The following BACH1 variants were observed in gnomAD, a reference collection of about 807,000 sequenced individuals.
BACH1 encodes the protein BTB domain and CNC homolog 1.
A neutral mutation model predicts 52.9 loss-of-function variants in BACH1; 35 were observed. That is an observed-to-expected ratio of 0.66 (90% CI 0.51 to 0.88). BACH1 has a LOEUF of 0.88. Ranked by LOEUF, BACH1 falls within the 40% of genes least tolerant of loss-of-function variation. The pLI, the probability that BACH1 is intolerant of heterozygous loss-of-function variation, is 0.00. For missense variants in BACH1, 808 were observed against 872.6 expected (o/e 0.93, Z 0.93); for synonymous variants, 321 against 319.6 (o/e 1.00, Z -0.05).
At chr21:29,312,076 C>T (rs1220595259) in intron 1 of BACH1, among the ~76,000 whole-genome samples, 2 of 152,226 alleles carry the variant, frequency 1.3e-5, no homozygotes, top group African/African-American at 4.8e-5. Context: ...TATGTCCTTA[C>T]TTGTGCTCCC....
chr21:29,320,615 T>TA (rs1373587445), intron 1 of BACH1, among the ~76,000 whole-genome samples: 1 of 152,236 alleles, frequency 6.6e-6, no homozygotes, highest in Non-Finnish European at 1.5e-5. Flanking sequence ...TAAAAAGACT[T>TA]ACTACCAAGA....
intron 1 of BACH1, among the ~76,000 whole-genome samples, chr21:29,301,201 T>C (rs1445160179): frequency 6.6e-6 from 1 of 152,210 alleles, no homozygotes; most frequent in African/African-American, 2.4e-5. Context: ...TTTGTAAGTA[T>C]TAGGGCCTCC....
intron 4 of BACH1, among the ~76,000 whole-genome samples, chr21:29,330,877 CTA>C (rs1267562733): frequency 6.6e-6 from 1 of 150,582 alleles, no homozygotes; most frequent in Non-Finnish European, 1.5e-5. Flanking sequence ...AAAATCATAA[CTA>C]TATTAAAGAG....
At chr21:29,303,300 A>G (rs1003095398) in intron 1 of BACH1, among the ~76,000 whole-genome samples, 1 of 152,212 alleles carries the variant, frequency 6.6e-6, no homozygotes, top group African/African-American at 2.4e-5. Flanking sequence ...AGGTTGTGTT[A>G]TTTTGACCAT....
chr21:29,317,332 A>G (rs2088799267), intron 1 of BACH1, among the ~76,000 whole-genome samples: 1 of 152,214 alleles, frequency 6.6e-6, no homozygotes. Context: ...AGCAGCATGT[A>G]CCTGTGTTGG....
At position 29,345,538 on chromosome 21, in the gene BACH1, T is replaced by C. The variant is rs1442368366; in HGVS notation, c.*2705T>C. Reference sequence around the variant, plus strand: ...ATTCAAATTCTGGAACTATAGCAAATAATTCGTTAAATTGTCATATTCAAA... The same window carrying C: ...ATTCAAATTCTGGAACTATAGCAAACAATTCGTTAAATTGTCATATTCAAA... On this transcript the variant is annotated 3_prime_UTR_variant, in exon 5 of 5. Coordinates refer to ENST00000286800, the MANE Select transcript of BACH1 (RefSeq NM_001186.4). 1 of 152,364 alleles carries C rather than the reference T, an allele frequency of 6.6e-6. No individual in the cohort carries two copies. The highest frequency in any genetic ancestry group is 1.5e-5 in the Non-Finnish European group (1 of 68,020). The allele number at this position is 152,364 out of a possible 1,614,324, so 9.4% of individuals were successfully genotyped here.
chr21:29,310,153 G>A (rs1256002849), intron 1 of BACH1, among the ~76,000 whole-genome samples: 1 of 152,116 alleles, frequency 6.6e-6, no homozygotes, highest in Non-Finnish European at 1.5e-5. Flanking sequence ...ATTATCTGCT[G>A]ATGACTGTAG....
At chr21:29,347,093 G>T (rs1210730511), downstream of BACH1, among the ~76,000 whole-genome samples, 23 of 152,120 alleles carry the variant, frequency 1.5e-4, no homozygotes, top group Admixed American at 1.5e-3. Context: ...GGTATTGAGG[G>T]TTTAGAGGAA....
Position 29,343,241 on chromosome 21 carries a change from T to C in BACH1, c.*408T>C, listed in dbSNP as rs1163263390. Reference sequence around the variant, plus strand: ...CAGAAGTTTAATAATTTGACTTTTTTCTAATATTTTAGTTTGAAAGAAAAT... The same window carrying C: ...CAGAAGTTTAATAATTTGACTTTTTCCTAATATTTTAGTTTGAAAGAAAAT... On this transcript the variant is annotated 3_prime_UTR_variant, in exon 5 of 5. Transcript: ENST00000286800. The C allele has an allele frequency of 6.4e-6, 1 of 155,962 alleles. No individual in the cohort carries two copies. The highest frequency in any genetic ancestry group is 2.4e-5 in the African/African-American group (1 of 41,488). 9.7% of individuals were successfully genotyped at this position (155,962 alleles called of 1,614,324 possible).
rs973037486 is a variant in BACH1 at position 29,311,504 on chromosome 21, A to G, written c.-60-9717A>G. On this transcript the variant is annotated intron_variant, in intron 1 of 4. Coordinates refer to ENST00000286800, the MANE Select transcript of BACH1 (RefSeq NM_001186.4). ...TAATTCTGCTTCAGAGTTATGTGCA[A>G]TGTTTACTGGTTTCTGCTATTTAAT... Among the ~76,000 whole-genome samples, 9 of 152,112 alleles carry G rather than the reference A, an allele frequency of 5.9e-5. No individual in the cohort carries two copies. The East Asian group carries it at 7.7e-4, about 13-fold the overall frequency.
chr21:29,316,328 T>G (rs1400679669), intron 1 of BACH1, among the ~76,000 whole-genome samples: 15 of 152,244 alleles, frequency 9.9e-5, no homozygotes, highest in Admixed American at 9.8e-4. Flanking sequence ...GAGCAGAAGT[T>G]ATTTCCAAAT....
intron 4 of BACH1, among the ~76,000 whole-genome samples, chr21:29,334,111 AT>A (rs770900706): frequency 2.6e-4 from 38 of 144,560 alleles, no homozygotes; most frequent in South Asian, 2.2e-4. Context: ...TATTTTTTTT[AT>A]TTTTTTTTTT....
intron 2 of BACH1, among the ~76,000 whole-genome samples, chr21:29,355,963 G>A (rs1233689601): frequency 1.3e-5 from 2 of 152,238 alleles, no homozygotes; most frequent in African/African-American, 4.8e-5. Flanking sequence ...TCCTTTCTCA[G>A]CAGTGAGGAG....
chr21:29,321,431 G>T lies in BACH1; in HGVS notation c.151G>T (p.Val51Leu). ...EGQRFRAHRS[V>L]LAACSSYFHS... The stretch of plus-strand genomic sequence containing the variant: ...ACAGCGGTTCCGCGCTCACCGGTCC[G>T]TGCTGGCGGCATGCAGCAGTTACTT... The change falls in exon 2 of 5, where the codon GTG (valine) becomes TTG (leucine). Residue 51 changes from valine to leucine, a missense_variant. Coordinates refer to ENST00000286800, the MANE Select transcript of BACH1 (RefSeq NM_001186.4). The T allele has an allele frequency of 6.2e-7, 1 of 1,614,218 alleles. No individual in the cohort carries two copies. Among genetic ancestry groups the T allele is most frequent in the South Asian group, 1.1e-5 (1 of 91,092 alleles).
rs552100284 is a variant in BACH1, at chr21:29,311,420, TTTTG to T, written c.-60-9789_-60-9786del. The stretch of plus-strand genomic sequence containing the variant: ...TTTAGTCAAAGTAATACTTGTTGGT[TTTTG>T]TTTGTTTGTTTTTTTAAGTACAGAG... On this transcript the variant is annotated intron_variant, in intron 1 of 4. Coordinates refer to ENST00000286800, the MANE Select transcript of BACH1 (RefSeq NM_001186.4). 1.0e-3 allele frequency among the ~76,000 whole-genome samples: 155 copies of T among 152,286 alleles called. No individual in the cohort carries two copies. The Middle Eastern group carries it at 0.024, about 23-fold the overall frequency.
chr21:29,306,171 T>A (rs796497320), intron 1 of BACH1, among the ~76,000 whole-genome samples: 15 of 52,922 alleles, frequency 2.8e-4, no homozygotes, highest in Non-Finnish European at 4.7e-4. Context: ...TCAGGAAGAG[T>A]GTGTGTGTGT....
intron 1 of BACH1, among the ~76,000 whole-genome samples, chr21:29,308,169 T>C (rs1359568937): frequency 1.3e-5 from 2 of 152,240 alleles, no homozygotes; most frequent in African/African-American, 4.8e-5. Context: ...GGTTATGATA[T>C]AATGAAAAGT....
Position 29,327,480 on chromosome 21 carries a change from A to T in BACH1, c.1569+87A>T, listed in dbSNP as rs1312544299. On this transcript the variant is annotated intron_variant, in intron 3 of 4. Coordinates refer to ENST00000286800, the MANE Select transcript of BACH1 (RefSeq NM_001186.4). ...ATCAGCTCCCTTTGCATCATTAGGG[A>T]TATAATCAGGTTCAGGGAGTGGGGA... The T allele has an allele frequency of 2.0e-6, 3 of 1,499,594 alleles. No homozygotes were observed. The African/African-American group carries it at 4.2e-5, about 21-fold the overall frequency. The allele number at this position is 1,499,594 out of a possible 1,614,324, so 92.9% of individuals were successfully genotyped here.
downstream of BACH1, among the ~76,000 whole-genome samples, chr21:29,350,422 T>C (rs529996788): frequency 6.6e-6 from 1 of 152,300 alleles, no homozygotes; most frequent in Non-Finnish European, 1.5e-5. Flanking sequence ...CAGTTGCTGA[T>C]AATGGAGTAG....
Sources: allele counts gnomAD v4.1 joint callset (sites outside exome capture counted in the v4.1 genomes callset), GRCh38; gene constraint gnomAD v4.1.1; transcripts MANE v1.5; gene names NCBI Gene and HGNC (gene_info 2026-07-23, HGNC 2026-07-21).